Variants in TMPRSS9 observed in about 807,000 individuals in gnomAD.
The protein encoded by TMPRSS9 is transmembrane serine protease 9.
TMPRSS9 carries 113 observed loss-of-function variants against 111.4 expected under a neutral mutation model. The ratio of observed to expected loss-of-function variants is 1.01; its 90% CI spans 0.87 to 1.19. TMPRSS9 has a LOEUF of 1.19. Ranked by LOEUF, TMPRSS9 falls within the 50% of genes most tolerant of loss-of-function variation. The pLI, the probability that TMPRSS9 is intolerant of heterozygous loss-of-function variation, is 0.00. For synonymous variants in TMPRSS9, 805 were observed against 659.1 expected, an observed-to-expected ratio of 1.22 and a Z score of -3.39; for missense variants, 1,803 against 1,513.1, an observed-to-expected ratio of 1.19 and a Z score of -3.18.
intron 11 of TMPRSS9, 93 bp from the exon 13 acceptor site, chr19:2,416,445 T>C: frequency 1.3e-6 from 2 of 1,484,754 alleles, no homozygotes; most frequent in East Asian, 2.3e-5. Flanking sequence ...CAGCCCTGTG[T>C]GGCTTCCTGG....
At position 2,396,565 on chromosome 19, in the gene TMPRSS9, G is replaced by A. The variant is rs376977577; in HGVS notation, c.169G>A (p.Val57Met). 6.2e-6 allele frequency: 10 copies of A among 1,610,236 alleles called. No individual in the cohort carries two copies. The highest frequency in any genetic ancestry group is 4.4e-5 in the South Asian group (4 of 90,208). The change falls in exon 2 of 18, where the codon GTG becomes ATG. Residue 57 changes from valine (V) to methionine (M), a missense_variant. Val to Met is a conservative substitution (Grantham distance 21). Transcript: ENST00000648592. ...CTTCCTCTCTACACAGGGCTTCCAC[G>A]TGGACCACACGGCCGAGCTGCGGGG...
upstream of TMPRSS9, among the ~76,000 whole-genome samples, chr19:2,385,173 GGGGGGCGGGGCTCGC>G (rs1193757189): frequency 1.0e-3 from 125 of 119,304 alleles, no homozygotes; most frequent in South Asian, 2.6e-3. Context: ...CGGGGCTCGC[GGGGGGCGGGGCTCGC>G]GGGGGCGGGG....
chr19:2,408,234 T>C (rs1424814973), intron 7 of TMPRSS9, 122 bp from the exon 9 acceptor site: 5 of 950,030 alleles, frequency 5.3e-6, no homozygotes, highest in Non-Finnish European at 6.2e-6. Context: ...TTATAAATAC[T>C]ATTCATAAAT....
At chr19:2,391,012 CA>C (rs1970576930) in intron 1 of TMPRSS9, among the ~76,000 whole-genome samples, 1 of 124,948 alleles carries the variant, frequency 8.0e-6, no homozygotes, top group Non-Finnish European at 1.7e-5. Flanking sequence ...ACTAAAAATA[CA>C]AGAAAGAAAG....
chr19:2,422,473 C>T (rs576451284), intron 14 of TMPRSS9, among the ~76,000 whole-genome samples: 7 of 152,100 alleles, frequency 4.6e-5, no homozygotes, highest in Non-Finnish European at 8.8e-5. Context: ...CCCAACTACG[C>T]GGGAGGCTAA....
rs146751295 is a variant in TMPRSS9, at chr19:2,400,010, G to A, written c.514+817G>A. On this transcript the variant is annotated intron_variant, in intron 4 of 17. Transcript: ENST00000648592. ...CTCCCAAAGTGCTGGGATTATAGGT[G>A]TGAGCCACGTGCCCAGTTAATATTT... 3.4e-3 allele frequency among the ~76,000 whole-genome samples: 512 copies of A among 152,292 alleles called. 4 individuals are homozygous for A. The highest frequency in any genetic ancestry group is 0.012 in the African/African-American group (490 of 41,568).
intron 6 of TMPRSS9, among the ~76,000 whole-genome samples, chr19:2,404,861 G>A (rs1446108040): frequency 6.6e-6 from 1 of 151,062 alleles, no homozygotes; most frequent in African/African-American, 2.4e-5. Context: ...GAACCCGGGA[G>A]GCAGAGCTTG....
At chr19:2,419,149 C>G (rs913927543) in intron 13 of TMPRSS9, among the ~76,000 whole-genome samples, 29 of 129,332 alleles carry the variant, frequency 2.2e-4, no homozygotes, top group Non-Finnish European at 2.0e-4. Flanking sequence ...CTTTCCTTCC[C>G]TTCCCTCCCT....
chr19:2,426,225 C>T (rs1971629057), exon 18 of TMPRSS9: 1 of 1,148,792 alleles, frequency 8.7e-7, no homozygotes, highest in Non-Finnish European at 1.2e-6. Flanking sequence ...ATTTTGGTAC[C>T]ACCCTTTGTT....
At chr19:2,397,599 C>T (rs931431025) in intron 2 of TMPRSS9, among the ~76,000 whole-genome samples, 16 of 152,052 alleles carry the variant, frequency 1.1e-4, no homozygotes, top group Middle Eastern at 3.2e-3. Flanking sequence ...AGACGTGTGA[C>T]CACATCAGCA....
intron 9 of TMPRSS9, 33 bp from the exon 11 acceptor site, chr19:2,413,667 G>A (rs763307575): frequency 3.2e-5 from 50 of 1,575,212 alleles, no homozygotes; most frequent in Admixed American, 6.8e-5. Flanking sequence ...GGCTGCTGCC[G>A]ACCCATCCTG....
At chr19:2,400,641 G>A (rs1229410171) in intron 4 of TMPRSS9, among the ~76,000 whole-genome samples, 3 of 152,042 alleles carry the variant, frequency 2.0e-5, no homozygotes, top group South Asian at 2.1e-4. Context: ...CGGTGCAGCA[G>A]GTCATGATTG....
intron 1 of TMPRSS9, among the ~76,000 whole-genome samples, chr19:2,369,936 A>AGT (rs1281223762): frequency 1.3e-5 from 2 of 151,776 alleles, no homozygotes; most frequent in African/African-American, 4.8e-5. Flanking sequence ...GCCCAAATGC[A>AGT]GTGGCTCATG....
intron 1 of TMPRSS9, among the ~76,000 whole-genome samples, chr19:2,364,302 C>T (rs961854817): frequency 3.3e-5 from 5 of 152,174 alleles, no homozygotes; most frequent in Admixed American, 1.3e-4. Flanking sequence ...TGATGGTTGA[C>T]GCAGCCCTGC....
At chr19:2,408,239 A>G in intron 7 of TMPRSS9, 117 bp from the exon 9 acceptor site, 2 of 999,976 alleles carry the variant, frequency 2.0e-6, no homozygotes, top group South Asian at 1.6e-5. Flanking sequence ...AATACTATTC[A>G]TAAATATTAA....
Position 2,396,642 on chromosome 19 carries a change from G to A in TMPRSS9, c.246G>A (p.Thr82=), listed in dbSNP as rs1008696596. 5.0e-6 allele frequency: 8 copies of A among 1,607,910 alleles called. No individual in the cohort carries two copies. In the Admixed American group the frequency reaches 5.1e-5, roughly 10 times the overall value. ...GGGAGACCTCGGACTATCACCGCAC[G>A]CTGACGCCCACCCTGGAGGCACTGG... The change falls in exon 2 of 18, where the codon ACG becomes ACA. Residue 82 remains threonine (T), a synonymous_variant. Coordinates refer to ENST00000648592, the Ensembl canonical transcript of TMPRSS9.
At chr19:2,382,809 A>T (rs1217817211) in intron 1 of TMPRSS9, among the ~76,000 whole-genome samples, 1 of 152,122 alleles carries the variant, frequency 6.6e-6, no homozygotes, top group African/African-American at 2.4e-5. Flanking sequence ...AGACTCACAC[A>T]TGTACACACA....
intron 9 of TMPRSS9, among the ~76,000 whole-genome samples, chr19:2,411,248 TGAG>T (rs1186611931): frequency 1.7e-5 from 2 of 115,560 alleles, no homozygotes; most frequent in Non-Finnish European, 3.2e-5. Context: ...TGCAGTGAGC[TGAG>T]ATCACGCCAT....
chr19:2,393,297 G>A (rs978344883), intron 1 of TMPRSS9, among the ~76,000 whole-genome samples: 15 of 152,162 alleles, frequency 9.9e-5, no homozygotes, highest in Admixed American at 3.9e-4. Flanking sequence ...CACTCCTGAG[G>A]CCAGCAAAAC....
Sources: gnomAD v4.1 joint callset for allele counts (sites outside exome capture counted in the v4.1 genomes callset) on GRCh38, gnomAD v4.1.1 for gene constraint, MANE v1.5 for transcripts, NCBI Gene and HGNC (gene_info 2026-07-23, HGNC 2026-07-21) for gene names.